Variants in THSD4 observed in about 807,000 individuals in gnomAD.
The protein encoded by THSD4 is thrombospondin type 1 domain containing 4.
THSD4 carries 69 observed loss-of-function variants against 119.0 expected under a neutral mutation model. The ratio of observed to expected loss-of-function variants is 0.58; its 90% CI spans 0.48 to 0.71. The LOEUF is 0.71. Among genes scored for constraint, THSD4 ranks in the 30% least tolerant of loss-of-function variants. The probability of loss-of-function intolerance (pLI) is 0.00; values close to 1 mark genes in which losing one functional copy is unlikely to be tolerated. For missense variants in THSD4, 1,393 were observed against 1,391.1 expected (o/e 1.00, Z -0.02); for synonymous variants, 524 against 540.4 (o/e 0.97, Z 0.42).
intron 7 of THSD4, among the ~76,000 whole-genome samples, chr15:71,441,531 G>C (rs76451371): frequency 0.033 from 5,041 of 150,580 alleles, 286 homozygotes; most frequent in African/African-American, 0.12. Context: ...GAGTAGCTGG[G>C]ACTACAGGTG....
intron 3 of THSD4, among the ~76,000 whole-genome samples, chr15:71,200,989 T>C (rs1434744993): frequency 6.6e-6 from 1 of 152,172 alleles, no homozygotes; most frequent in African/African-American, 2.4e-5. Flanking sequence ...ATTCCCATTA[T>C]ACTGAGTTCA....
intron 7 of THSD4, among the ~76,000 whole-genome samples, chr15:71,636,506 C>A (rs950640544): frequency 6.6e-6 from 1 of 152,156 alleles, no homozygotes; most frequent in East Asian, 1.9e-4. Context: ...AAACAAAAAT[C>A]AGAGATACTC....
chr15:71,582,842 A>C (rs1447994804), intron 7 of THSD4, among the ~76,000 whole-genome samples: 1 of 152,124 alleles, frequency 6.6e-6, no homozygotes, highest in African/African-American at 2.4e-5. Context: ...ACTTGATTGT[A>C]GTACATGTTC....
At chr15:71,302,824 A>T (rs1186568541) in intron 6 of THSD4, among the ~76,000 whole-genome samples, 1 of 151,804 alleles carries the variant, frequency 6.6e-6, no homozygotes, top group East Asian at 1.9e-4. Flanking sequence ...TTCCAACACC[A>T]TGGCCCCCAA....
chr15:71,243,064 G>T lies in THSD4; in HGVS notation c.880G>T (p.Ala294Ser). The change falls in exon 5 of 18, where the codon GCC becomes TCC. Residue 294 changes from alanine (A) to serine (S), a missense_variant. By Grantham distance (99) the Ala-to-Ser change is moderately conservative. Coordinates refer to ENST00000261862, the MANE Select transcript of THSD4 (RefSeq NM_024817.3). ...ATCTACAGCAATCTCATGCATCGGG[G>T]CCTATCGGCAGTACAAGCTGTGCAA... ...ARSTAISCIG[A>S]YRQYKLCNTN... is the part of the protein sequence containing the mutation. 1 of 1,614,040 alleles carries T rather than the reference G, an allele frequency of 6.2e-7. No individual in the cohort carries two copies. Among genetic ancestry groups the T allele is most frequent in the Admixed American group, 1.7e-5 (1 of 60,018 alleles).
intron 6 of THSD4, among the ~76,000 whole-genome samples, chr15:71,389,743 C>T (rs1018567904): frequency 2.0e-5 from 3 of 151,220 alleles, no homozygotes; most frequent in African/African-American, 7.3e-5. Flanking sequence ...TTTACATTCC[C>T]ACCAACAGTA....
chr15:71,549,505 C>T (rs575088005), intron 7 of THSD4: 9 of 152,268 alleles, frequency 5.9e-5, no homozygotes, highest in Non-Finnish European at 1.3e-4. Flanking sequence ...TAGCCCCCAC[C>T]TCTTAAAAAG....
At chr15:71,453,255 G>A (rs12323953) in intron 7 of THSD4, among the ~76,000 whole-genome samples, 47,841 of 152,078 alleles carry the variant, frequency 0.31, 7,786 homozygotes, top group African/African-American at 0.39. Context: ...GCCTCATGCC[G>A]TAGCTCTCCT....
At chr15:71,739,478 C>T (rs977542308) in intron 11 of THSD4, among the ~76,000 whole-genome samples, 3 of 152,136 alleles carry the variant, frequency 2.0e-5, no homozygotes, top group Non-Finnish European at 4.4e-5. Flanking sequence ...CCCAGGGTCC[C>T]GTTTCCTTGA....
chr15:71,755,165 C>T (rs117308034), intron 14 of THSD4, among the ~76,000 whole-genome samples: 2,623 of 152,336 alleles, frequency 0.017, 45 homozygotes, highest in Admixed American at 0.059. Flanking sequence ...CAATAGCCTT[C>T]AGCTCAAAAT....
intron 2 of THSD4, among the ~76,000 whole-genome samples, chr15:71,146,678 T>G (rs1359521734): frequency 1.3e-5 from 2 of 152,112 alleles, no homozygotes. Context: ...GGTGCAGAAG[T>G]GTGCAAGTGT....
intron 4 of THSD4, among the ~76,000 whole-genome samples, chr15:71,236,535 A>C (rs551174432): frequency 6.6e-6 from 1 of 152,338 alleles, no homozygotes; most frequent in South Asian, 2.1e-4. Flanking sequence ...TAATAGTTTA[A>C]CAGTCTTTTA....
chr15:71,587,792 A>AAAAAAAAAAAAAAAAAAAAAAC (rs2049707377), intron 7 of THSD4, among the ~76,000 whole-genome samples: 1 of 79,984 alleles, frequency 1.3e-5, no homozygotes, highest in Non-Finnish European at 2.7e-5. Context: ...AAAATTAAAA[A>AAAAAAAAAAAAAAAAAAAAAAC]AAAAAAAGAA....
intron 7 of THSD4, among the ~76,000 whole-genome samples, chr15:71,603,276 C>T (rs975360909): frequency 6.6e-6 from 1 of 152,142 alleles, no homozygotes; most frequent in Admixed American, 6.6e-5. Context: ...AGAAAAAAAA[C>T]TCTCTGCAAA....
intron 3 of THSD4, among the ~76,000 whole-genome samples, chr15:71,203,809 T>C (rs1467787737): frequency 6.6e-6 from 1 of 152,232 alleles, no homozygotes; most frequent in Non-Finnish European, 1.5e-5. Flanking sequence ...TGCTGTGTTC[T>C]CTGCTGGATG....
At chr15:71,240,450 C>T (rs973765713) in intron 4 of THSD4, among the ~76,000 whole-genome samples, 1 of 152,002 alleles carries the variant, frequency 6.6e-6, no homozygotes, top group Admixed American at 6.6e-5. Context: ...GTCTGTGGAC[C>T]AGCAGCATTG....
At chr15:71,444,552 C>T (rs1205458425) in intron 7 of THSD4, among the ~76,000 whole-genome samples, 1 of 152,232 alleles carries the variant, frequency 6.6e-6, no homozygotes, top group Non-Finnish European at 1.5e-5. Flanking sequence ...CATTTCTACC[C>T]ACACATCTCA....
At chr15:71,405,997 T>A (rs1466599295) in intron 6 of THSD4, among the ~76,000 whole-genome samples, 1 of 152,114 alleles carries the variant, frequency 6.6e-6, no homozygotes, top group African/African-American at 2.4e-5. Flanking sequence ...ATGTTGCCCA[T>A]GCTGGTCTCG....
At chr15:71,147,968 CAAAAAAA>C (rs57726176) in intron 2 of THSD4, among the ~76,000 whole-genome samples, 5 of 32,144 alleles carry the variant, frequency 1.6e-4, no homozygotes, top group African/African-American at 3.8e-4. Context: ...GACTCTGTCT[CAAAAAAA>C]AAAAAAAAAA....
Sources: gnomAD v4.1 joint callset for allele counts (sites outside exome capture counted in the v4.1 genomes callset) on GRCh38, gnomAD v4.1.1 for gene constraint, MANE v1.5 for transcripts, NCBI Gene and HGNC (gene_info 2026-07-23, HGNC 2026-07-21) for gene names.